The following KIF1C variants were observed in gnomAD, a reference collection of about 807,000 sequenced individuals.
The protein encoded by KIF1C is kinesin family member 1C, also known as kinesin-like protein KIF1C.
A neutral mutation model predicts 126.5 loss-of-function variants in KIF1C; 61 were observed. That is an observed-to-expected ratio of 0.48 (90% CI 0.39 to 0.60). The LOEUF (loss-of-function observed/expected upper bound fraction) is 0.60. Ranked by LOEUF, KIF1C falls within the 20% of genes least tolerant of loss-of-function variation. The pLI is 0.00. For synonymous variants in KIF1C, 640 were observed against 580.6 expected (o/e 1.10, Z -1.47); for missense variants, 1,315 against 1,489.2 (o/e 0.88, Z 1.93).
chr17:5,021,989 C>T (rs1183387747), intron 21 of KIF1C, 103 bp from the exon 22 acceptor site: 1 of 1,334,508 alleles, frequency 7.5e-7, no homozygotes, highest in East Asian at 2.3e-5. Flanking sequence ...AACCCAGGCT[C>T]CCTGATGGGC....
chr17:5,004,451 T>C (rs1185614739), intron 11 of KIF1C, 116 bp from the exon 12 acceptor site: 1 of 931,166 alleles, frequency 1.1e-6, no homozygotes, highest in Non-Finnish European at 1.7e-6. Context: ...CTCCCCTACC[T>C]CAGACCATGA....
Position 5,007,153 on chromosome 17 carries a change from G to C in KIF1C, c.1335+69G>C, listed in dbSNP as rs1046702474. ...TGGGAGTTTACTTCTCCAAAGTCAA[G>C]CTTGAGAAAGAAGGAATTCTAGGAG... On this transcript the variant is annotated intron_variant, in intron 14 of 22. Transcript: ENST00000320785. 3 of 1,575,864 alleles carry C rather than the reference G, an allele frequency of 1.9e-6. No individual in the cohort carries two copies. In the South Asian group the frequency reaches 3.4e-5, roughly 18 times the overall value.
At position 5,002,052 on chromosome 17, in the gene KIF1C, C is replaced by G. The variant is rs542162428; in HGVS notation, c.364-7C>G. The G allele has an allele frequency of 6.2e-7, 1 of 1,613,820 alleles. No homozygotes were observed. Among genetic ancestry groups the G allele is most frequent in the South Asian group, 1.1e-5 (1 of 91,074 alleles). ...GCTTCTCTGTATTTCCCTGTGTCCC[C>G]CTCCAGCTCTGTGAGGACCTCTTCT... On this transcript the variant is annotated splice_region_variant and splice_polypyrimidine_tract_variant and intron_variant, in intron 5 of 22. Transcript: ENST00000320785.
intron 16 of KIF1C, among the ~76,000 whole-genome samples, chr17:5,012,303 C>T (rs867390624): frequency 9.6e-5 from 14 of 145,096 alleles, no homozygotes; most frequent in African/African-American, 2.3e-4. Flanking sequence ...GAAAACTTCC[C>T]GGAGGAAGTT....
chr17:4,998,738 C>G (rs983364588), intron 1 of KIF1C, among the ~76,000 whole-genome samples: 2 of 151,952 alleles, frequency 1.3e-5, no homozygotes, highest in Non-Finnish European at 2.9e-5. Context: ...ATGCTCTGCC[C>G]AGGAAGACTG....
At chr17:5,006,574 G>C (rs1974739603) in intron 13 of KIF1C, among the ~76,000 whole-genome samples, 1 of 152,134 alleles carries the variant, frequency 6.6e-6, no homozygotes, top group Non-Finnish European at 1.5e-5. Context: ...GACCTCAGGT[G>C]ATCCACCCGC....
In KIF1C at chr17:5,020,232, A is replaced by C. The variant is rs746180123; in HGVS notation, c.1750+153A>C. On this transcript the variant is annotated intron_variant, in intron 19 of 22. Coordinates refer to ENST00000320785, the MANE Select transcript of KIF1C (RefSeq NM_006612.6). The surrounding 1 kb of genome is among the most constrained non-coding windows in gnomAD (Gnocchi z 5.8). ...AGAAGGAACTGGGAAGTGAAGGTCA[A>C]GGAGTCAGGTCTTGGTTTCTCTTTC... 1.4e-6 allele frequency: 1 copy of C among 715,634 alleles called. No individual in the cohort carries two copies. The highest frequency in any genetic ancestry group is 2.4e-6 in the Non-Finnish European group (1 of 409,196). The allele number at this position is 715,634 out of a possible 1,614,324, so 44.3% of individuals were successfully genotyped here.
At chr17:5,008,274 A>C (rs1273497525) in intron 16 of KIF1C, among the ~76,000 whole-genome samples, 1 of 152,228 alleles carries the variant, frequency 6.6e-6, no homozygotes. Flanking sequence ...ACCATCCGGC[A>C]TAGGGACTGA....
chr17:5,022,227 A>G lies in KIF1C; in HGVS notation c.2146A>G (p.Ser716Gly). Residue 716 changes from serine (S) to glycine (G), a missense_variant, in exon 22 of 23, where the codon AGT becomes GGT. By Grantham distance (56) the Ser-to-Gly change is moderately conservative. This residue lies in a region of KIF1C where 874 missense variants were observed against 1,053.2 expected (regional missense o/e 0.83). Transcript: ENST00000320785. The surrounding 1 kb of genome is among the most constrained non-coding windows in gnomAD (Gnocchi z 4.9). ...TGTCAAACGCTGTGGTCTGCCCAGC[A>G]GTGGCAAGCGCAGGGCCCCTCGCAG... ...TIVKRCGLPSSGKRRAPRRVY... is the reference protein window; with the variant it reads ...TIVKRCGLPSGGKRRAPRRVY... 1 of 1,614,180 alleles carries G rather than the reference A, an allele frequency of 6.2e-7. No individual in the cohort carries two copies. Among genetic ancestry groups the G allele is most frequent in the Non-Finnish European group, 8.5e-7 (1 of 1,180,036 alleles).
In KIF1C at chr17:5,003,656, C is replaced by T. The variant is rs755969023; in HGVS notation, c.765C>T (p.Ala255=). ...TGGACCTTGCTGGGAGTGAGCGAGC[C>T]GACTCCTCAGGGGCCCGGGGCATGC... ...SLVDLAGSER[A]DSSGARGMRL... The change falls in exon 9 of 23, where the codon GCC becomes GCT. Residue 255 remains alanine (A), a synonymous_variant. Coordinates refer to ENST00000320785, the MANE Select transcript of KIF1C (RefSeq NM_006612.6). The T allele has an allele frequency of 4.3e-5, 69 of 1,613,634 alleles. No homozygotes were observed. The highest frequency in any genetic ancestry group is 2.3e-4 in the Admixed American group (14 of 59,944).
chr17:4,999,505 C>T (rs1341265968), intron 1 of KIF1C, among the ~76,000 whole-genome samples: 1 of 151,912 alleles, frequency 6.6e-6, no homozygotes, highest in African/African-American at 2.4e-5. Context: ...TGCCTTTTGT[C>T]TTATTTCTCT....
chr17:4,999,402 C>T (rs1232800126), intron 1 of KIF1C, among the ~76,000 whole-genome samples: 1 of 152,168 alleles, frequency 6.6e-6, no homozygotes, highest in Non-Finnish European at 1.5e-5. Context: ...GCCGGAGTTC[C>T]CCACCCTGTC....
In KIF1C at chr17:5,001,224, G is replaced by A. The variant is rs766236541; in HGVS notation, c.186G>A (p.Thr62=). Residue 62 remains threonine, a splice_region_variant and synonymous_variant, in exon 5 of 23, where the codon ACG becomes ACA. Transcript: ENST00000320785. ...TCTCTGCCCCCACTTTCTCCTAGACGGAGGACCCCCAGTTTGCATCTCAGC... is the reference window on the plus strand; with the variant it reads ...TCTCTGCCCCCACTTTCTCCTAGACAGAGGACCCCCAGTTTGCATCTCAGC... ...FDYSYWSHTS[T]EDPQFASQQQ... is the part of the protein sequence containing the mutation. 17 of 1,613,768 alleles carry A rather than the reference G, an allele frequency of 1.1e-5. No individual in the cohort carries two copies. Among genetic ancestry groups the A allele is most frequent in the Non-Finnish European group, 1.4e-5 (16 of 1,179,894 alleles).
intron 4 of KIF1C, 103 bp downstream of exon 4, chr17:5,000,951 G>A (rs1419756620): frequency 5.8e-6 from 7 of 1,213,374 alleles, no homozygotes; most frequent in Non-Finnish European, 7.3e-6. Flanking sequence ...GGATTAGTCA[G>A]GGTGAATTGG....
At chr17:5,000,001 A>G in intron 2 of KIF1C, 31 bp downstream of exon 2, 1 of 511,208 alleles carries the variant, frequency 2.0e-6, no homozygotes, top group Admixed American at 3.4e-5. Context: ...AGGTTCCTGC[A>G]AGCTGGAATA....
chr17:5,017,293 C>CT (rs34140025), intron 18 of KIF1C, among the ~76,000 whole-genome samples: 14,327 of 85,314 alleles, frequency 0.17, 1,446 homozygotes, highest in Middle Eastern at 0.21. Flanking sequence ...GGCCTTGGTT[C>CT]TTTTTTTTTT....
At chr17:5,018,800 A>G (rs1306419445) in intron 18 of KIF1C, among the ~76,000 whole-genome samples, 1 of 152,138 alleles carries the variant, frequency 6.6e-6, no homozygotes, top group East Asian at 1.9e-4. Flanking sequence ...AGTAAGCTCT[A>G]TGAGAGCAGG....
In KIF1C at chr17:5,027,402, TTACAGGC is replaced by T. The variant is rs1379327579; in HGVS notation, c.*3252_*3258del. The T allele has an allele frequency of 2.0e-5, 3 of 152,242 alleles. No homozygotes were observed. The highest frequency in any genetic ancestry group is 4.4e-5 in the Non-Finnish European group (3 of 68,062). 9.4% of individuals were successfully genotyped at this position (152,242 alleles called of 1,614,324 possible). A position where few individuals can be genotyped will look rare whatever the true frequency, so the allele number is the denominator to read the frequency against. ...GCCTCTGCCTCCCAAAATGTTGGGATTACAGGCGTGAGCCACCACGCCCAGCCTATTT... is the reference window on the plus strand; with the variant it reads ...GCCTCTGCCTCCCAAAATGTTGGGATGTGAGCCACCACGCCCAGCCTATTT... On this transcript the variant is annotated 3_prime_UTR_variant, in exon 23 of 23. Transcript: ENST00000320785.
At chr17:5,017,404 A>G (rs1296841120) in intron 18 of KIF1C, among the ~76,000 whole-genome samples, 1 of 142,114 alleles carries the variant, frequency 7.0e-6, no homozygotes, top group Admixed American at 7.7e-5. Flanking sequence ...GGTTCACGCC[A>G]TTCTCCTGCC....
Sources: allele counts gnomAD v4.1 joint callset (sites outside exome capture counted in the v4.1 genomes callset), GRCh38; gene constraint gnomAD v4.1.1; regional missense constraint gnomAD v4.1.1; non-coding constraint Gnocchi (gnomAD v3.1); transcripts MANE v1.5; gene names NCBI Gene and HGNC (gene_info 2026-07-23, HGNC 2026-07-21).